The following FBH1 variants were observed in gnomAD, a reference collection of about 807,000 sequenced individuals.
FBH1 encodes DNA 3'-5' helicase 1.
In FBH1, 43 loss-of-function variants were observed where a neutral mutation model predicts 115.5. The ratio of observed to expected loss-of-function variants is 0.37; its 90% CI spans 0.29 to 0.48. The LOEUF (loss-of-function observed/expected upper bound fraction) is 0.48. Among genes scored for constraint, FBH1 ranks in the 20% least tolerant of loss-of-function variants. The pLI is 0.99. For synonymous variants in FBH1, 524 were observed against 507.8 expected, an observed-to-expected ratio of 1.03 and a Z score of -0.43; for missense variants, 1,001 against 1,337.3, an observed-to-expected ratio of 0.75 and a Z score of 3.92.
chr10:5,934,986 A>C (rs1833238053), intron 19 of FBH1: 1 of 152,234 alleles, frequency 6.6e-6, no homozygotes, highest in African/African-American at 2.4e-5. Context: ...TTAAATTTAT[A>C]TAAATAAAAA....
chr10:5,913,842 A>G lies in FBH1; in HGVS notation c.1304+3A>G. ...GAGGAGCCATCTGTCTGGCCAGGGT[A>G]TGTGTATATGTGCGTCAGCGTGTGT... On this transcript the variant is annotated splice_donor_region_variant and intron_variant, in intron 7 of 20. Transcript: ENST00000362091. This position sits in a 1 kb window ranked among gnomAD's most constrained non-coding sequence, Gnocchi z 4.4. The G allele has an allele frequency of 6.3e-7, 1 of 1,584,802 alleles. No individual in the cohort carries two copies.
In FBH1 at chr10:5,918,376, G is replaced by A. The variant is rs1832102846; in HGVS notation, c.1998G>A (p.Gly666=). The change falls in exon 13 of 21, where the codon GGG becomes GGA. Residue 666 remains glycine (G), a synonymous_variant. Transcript: ENST00000362091. This position sits in a 1 kb window ranked among gnomAD's most constrained non-coding sequence, Gnocchi z 4.0. ...ACATAGTTCTGTCTCAGCCATGTGGGAAAATCTTTGTAGGGGACCCGCACC... is the reference window on the plus strand; with the variant it reads ...ACATAGTTCTGTCTCAGCCATGTGGAAAAATCTTTGTAGGGGACCCGCACC... ...IMNIVLSQPC[G]KIFVGDPHQQ... The A allele has an allele frequency of 6.2e-7, 1 of 1,613,390 alleles. No individual in the cohort carries two copies.
chr10:5,916,118 C>T (rs1831922189), intron 9 of FBH1, 116 bp from the exon 10 acceptor site: 11 of 882,804 alleles, frequency 1.2e-5, no homozygotes, highest in East Asian at 7.4e-5. Flanking sequence ...CATTAACACT[C>T]GCCTGTGTGT....
chr10:5,923,686 A>G lies in FBH1; in HGVS notation c.2388A>G (p.Glu796=). The G allele has an allele frequency of 6.2e-7, 1 of 1,614,152 alleles. No individual in the cohort carries two copies. ...DIWILLQPEE[E]RRKQNLVIKD... is the part of the protein sequence containing the mutation. ...GGATCCTTCTTCAGCCAGAGGAAGA[A>G]CGGAGGAAACGTGAGTACCCACCTG... is the stretch of plus-strand genomic sequence containing the variant. Residue 796 remains glutamate (E), a synonymous_variant, in exon 16 of 21, where the codon GAA becomes GAG. Coordinates refer to ENST00000362091, the MANE Select transcript of FBH1 (RefSeq NM_178150.3). The surrounding 1 kb of genome is among the most constrained non-coding windows in gnomAD (Gnocchi z 5.7).
At chr10:5,893,937 A>C (rs1842872190) in intron 1 of FBH1, 1 of 946,398 alleles carries the variant, frequency 1.1e-6, no homozygotes, top group African/African-American at 1.8e-5. Flanking sequence ...ATAAGTAGTG[A>C]TCTTTCTCTT....
chr10:5,904,597 T>C (rs1300390753), intron 2 of FBH1, among the ~76,000 whole-genome samples: 1 of 152,164 alleles, frequency 6.6e-6, no homozygotes, highest in South Asian at 2.1e-4. Context: ...AGCTCATGCC[T>C]TATTTGTAAT....
At position 5,936,341 on chromosome 10, in the gene FBH1, C is replaced by T. The variant is rs1833350949; in HGVS notation, c.2830-115C>T. The T allele has an allele frequency of 7.9e-7, 1 of 1,263,724 alleles. No homozygotes were observed. Among genetic ancestry groups the T allele is most frequent in the South Asian group, 1.4e-5 (1 of 73,778 alleles). 78.3% of individuals were successfully genotyped at this position (1,263,724 alleles called of 1,614,324 possible). On this transcript the variant is annotated intron_variant, in intron 19 of 20. Coordinates refer to ENST00000362091, the MANE Select transcript of FBH1 (RefSeq NM_178150.3). The surrounding 1 kb of genome is among the most constrained non-coding windows in gnomAD (Gnocchi z 5.6). ...AGAACGGGTTAGGCGGGGTTTTTCTCTCTGGGACTTACAGTGCATCTAAAG... is the reference window on the plus strand; with the variant it reads ...AGAACGGGTTAGGCGGGGTTTTTCTTTCTGGGACTTACAGTGCATCTAAAG...
At position 5,924,839 on chromosome 10, in the gene FBH1, T is replaced by TA. The variant is rs1408172163; in HGVS notation, c.2596+332dup. Reference sequence around the variant, plus strand: ...CCTCGACCTCCCAAAGTGCTAGAATTACAGGCGTGAGCCACTGCGCCCAGC... The same window carrying TA: ...CCTCGACCTCCCAAAGTGCTAGAATTAACAGGCGTGAGCCACTGCGCCCAGC... On this transcript the variant is annotated intron_variant, in intron 17 of 20. Transcript: ENST00000362091. This position sits in a 1 kb window ranked among gnomAD's most constrained non-coding sequence, Gnocchi z 6.2. 2.2e-6 allele frequency: 1 copy of TA among 446,048 alleles called. No individual in the cohort carries two copies. Among genetic ancestry groups the TA allele is most frequent in the Non-Finnish European group, 4.4e-6 (1 of 226,960 alleles). 27.6% of individuals were successfully genotyped at this position (446,048 alleles called of 1,614,324 possible).
At position 5,900,505 on chromosome 10, in the gene FBH1, T is replaced by G. The variant is rs1002886312; in HGVS notation, c.2-2515T>G. On this transcript the variant is annotated intron_variant, in intron 1 of 20. Coordinates refer to ENST00000362091, the MANE Select transcript of FBH1 (RefSeq NM_178150.3). This position sits in a 1 kb window ranked among gnomAD's most constrained non-coding sequence, Gnocchi z 4.2. ...TTCGTGAGAGTGAGCGCATCTGTGA[T>G]TGCTGAGGCCTGGCGCTCATGGGGT... Among the ~76,000 whole-genome samples the G allele has an allele frequency of 3.3e-5, 5 of 152,250 alleles. No homozygotes were observed. The highest frequency in any genetic ancestry group is 9.6e-5 in the African/African-American group (4 of 41,476).
At position 5,918,160 on chromosome 10, in the gene FBH1, C is replaced by T. The variant is rs1460448133; in HGVS notation, c.1964-182C>T. Among the ~76,000 whole-genome samples, 1 of 152,226 alleles carries T rather than the reference C, an allele frequency of 6.6e-6. No individual in the cohort carries two copies. Among genetic ancestry groups the T allele is most frequent in the East Asian group, 1.9e-4 (1 of 5,200 alleles). ...TAATCTGCATTCCTAGCACCAGAAA[C>T]TGTTTCTTTTGTCCATTATAAAATG... On this transcript the variant is annotated intron_variant, in intron 12 of 20. Coordinates refer to ENST00000362091, the MANE Select transcript of FBH1 (RefSeq NM_178150.3). The surrounding 1 kb of genome is among the most constrained non-coding windows in gnomAD (Gnocchi z 4.0).
At position 5,924,029 on chromosome 10, in the gene FBH1, C is replaced by T. The variant is rs1438413558; in HGVS notation, c.2399-282C>T. 3.9e-5 allele frequency: 22 copies of T among 566,506 alleles called. No individual in the cohort carries two copies. Among genetic ancestry groups the T allele is most frequent in the Admixed American group, 1.5e-4 (5 of 32,592 alleles). 35.1% of individuals were successfully genotyped at this position (566,506 alleles called of 1,614,324 possible). On this transcript the variant is annotated intron_variant, in intron 16 of 20. Coordinates refer to ENST00000362091, the MANE Select transcript of FBH1 (RefSeq NM_178150.3). This position sits in a 1 kb window ranked among gnomAD's most constrained non-coding sequence, Gnocchi z 6.2. ...GTGATAGCGTCGAGCATTTCTATAG[C>T]GCTTTTCTTTTCCTGTTGACTGCAC...
At chr10:5,926,515 T>C (rs675416) in intron 18 of FBH1, among the ~76,000 whole-genome samples, 130,203 of 152,234 alleles carry the variant, frequency 0.86, 55,761 homozygotes, top group Admixed American at 0.88. Flanking sequence ...AGAATAAAAC[T>C]GTTTGAAATT....
intron 1 of FBH1, among the ~76,000 whole-genome samples, chr10:5,892,117 C>T (rs1404329330): frequency 1.3e-5 from 2 of 152,182 alleles, no homozygotes; most frequent in African/African-American, 4.8e-5. Context: ...GAACAGTAAG[C>T]TAATGGATGG....
chr10:5,890,240 C>T (rs1476077541), upstream of FBH1: 1 of 360,728 alleles, frequency 2.8e-6, no homozygotes, highest in East Asian at 4.2e-5. Context: ...TCTCGGGCTC[C>T]AGGTCCCGGC....
In FBH1 at chr10:5,921,175, G is replaced by A. The variant is rs557652024; in HGVS notation, c.2101-83G>A. 5.3e-5 allele frequency: 73 copies of A among 1,364,980 alleles called. No homozygotes were observed. Among genetic ancestry groups the A allele is most frequent in the Non-Finnish European group, 6.9e-5 (67 of 966,042 alleles). 84.6% of individuals were successfully genotyped at this position (1,364,980 alleles called of 1,614,324 possible). Reference sequence around the variant, plus strand: ...AGGAACAACTTGTAGGGTCTGGCCCGGCCAGGCTGTGGCAGCAGTGATGGA... The same window carrying A: ...AGGAACAACTTGTAGGGTCTGGCCCAGCCAGGCTGTGGCAGCAGTGATGGA... On this transcript the variant is annotated intron_variant, in intron 13 of 20. Transcript: ENST00000362091. This position sits in a 1 kb window ranked among gnomAD's most constrained non-coding sequence, Gnocchi z 6.4.
chr10:5,936,873 TC>T lies in FBH1; in HGVS notation c.2962-236del. ...GGGTCCCAGCGCAGCTTTTCTTGGT[TC>T]TTTATCTTGACTGGATAAATGACTG... On this transcript the variant is annotated intron_variant, in intron 20 of 20. Transcript: ENST00000362091. This position sits in a 1 kb window ranked among gnomAD's most constrained non-coding sequence, Gnocchi z 5.6. 1 of 607,076 alleles carries T rather than the reference TC, an allele frequency of 1.6e-6. No homozygotes were observed. Among genetic ancestry groups the T allele is most frequent in the South Asian group, 2.3e-5 (1 of 42,588 alleles). 37.6% of individuals were successfully genotyped at this position (607,076 alleles called of 1,614,324 possible). A position where few individuals can be genotyped will look rare whatever the true frequency, so the allele number is the denominator to read the frequency against.
chr10:5,917,679 G>GAAC lies in FBH1; in HGVS notation c.1963+4_1963+5insACA, dbSNP rs750374202. 6.8e-6 allele frequency: 11 copies of GAAC among 1,612,240 alleles called. No homozygotes were observed. The South Asian group carries it at 1.2e-4, about 18-fold the overall frequency. ...TGAGGCCCAGGACTGCACACCAGGT[G>GAAC]ATACACTGTTCAGGACATCAGTAGT... is the stretch of plus-strand genomic sequence containing the variant. On this transcript the variant is annotated splice_donor_region_variant and intron_variant, in intron 12 of 20. Coordinates refer to ENST00000362091, the MANE Select transcript of FBH1 (RefSeq NM_178150.3). This position sits in a 1 kb window ranked among gnomAD's most constrained non-coding sequence, Gnocchi z 5.6.
chr10:5,931,831 C>G lies in FBH1; in HGVS notation c.2829+4290C>G, dbSNP rs1357772749. On this transcript the variant is annotated intron_variant, in intron 19 of 20. Transcript: ENST00000362091. The surrounding 1 kb of genome is among the most constrained non-coding windows in gnomAD (Gnocchi z 4.3). Reference sequence around the variant, plus strand: ...TAATGATCTTTCTTGATGTGTAAGGCCTGTTAATGTTTTCAAAGTCAAAAC... The same window carrying G: ...TAATGATCTTTCTTGATGTGTAAGGGCTGTTAATGTTTTCAAAGTCAAAAC... Among the ~76,000 whole-genome samples the G allele has an allele frequency of 8.5e-5, 13 of 152,122 alleles. No homozygotes were observed. The highest frequency in any genetic ancestry group is 1.8e-4 in the Non-Finnish European group (12 of 68,014).
At chr10:5,899,011 A>G (rs935089829) in intron 1 of FBH1, among the ~76,000 whole-genome samples, 4 of 152,208 alleles carry the variant, frequency 2.6e-5, no homozygotes, top group African/African-American at 7.2e-5. Context: ...ATACTTCACA[A>G]AAAACGTTCC....
Sources: gnomAD v4.1 joint callset for allele counts (sites outside exome capture counted in the v4.1 genomes callset) on GRCh38, gnomAD v4.1.1 for gene constraint, Gnocchi (gnomAD v3.1) non-coding constraint, MANE v1.5 for transcripts, NCBI Gene and HGNC (gene_info 2026-07-23, HGNC 2026-07-21) for gene names.